The following CDH18 variants were observed in gnomAD, a reference collection of about 807,000 sequenced individuals.
The protein encoded by CDH18 is cadherin-18.
CDH18 carries 31 observed loss-of-function variants against 67.9 expected under a neutral mutation model. The observed-to-expected ratio is 0.46, with a 90% CI of 0.34 to 0.62. CDH18 has a LOEUF of 0.62. Ranked by LOEUF, CDH18 falls within the 20% of genes least tolerant of loss-of-function variation. CDH18 has a pLI of 0.01. For synonymous variants in CDH18, 362 were observed against 347.2 expected, an observed-to-expected ratio of 1.04 and a Z score of -0.48; for missense variants, 890 against 975.5, an observed-to-expected ratio of 0.91 and a Z score of 1.17.
chr5:19,494,473 C>T (rs928495220), intron 11 of CDH18, among the ~76,000 whole-genome samples: 5 of 152,276 alleles, frequency 3.3e-5, no homozygotes, highest in South Asian at 2.1e-4. Context: ...AGTCTAACTC[C>T]GAAACATTCT....
chr5:20,328,017 G>T (rs1738771450), intron 1 of CDH18, among the ~76,000 whole-genome samples: 1 of 152,124 alleles, frequency 6.6e-6, no homozygotes, highest in South Asian at 2.1e-4. Context: ...AAGTCCTGGG[G>T]AATAGAGACT....
At chr5:19,937,317 A>G (rs1204367477) in intron 2 of CDH18, among the ~76,000 whole-genome samples, 3 of 151,350 alleles carry the variant, frequency 2.0e-5, no homozygotes, top group African/African-American at 7.3e-5. Context: ...GCAATGTAAT[A>G]TGAACTGGCA....
chr5:20,154,468 A>G (rs1351705153), intron 2 of CDH18, among the ~76,000 whole-genome samples: 2 of 152,122 alleles, frequency 1.3e-5, no homozygotes, highest in Non-Finnish European at 2.9e-5. Context: ...TATCTCACTT[A>G]TTTTACATTT....
chr5:20,520,037 G>T (rs550675615), intron 1 of CDH18, among the ~76,000 whole-genome samples: 102 of 126,660 alleles, frequency 8.1e-4, no homozygotes, highest in Non-Finnish European at 1.3e-3. Context: ...CCTGAGCTAG[G>T]TGATCTGACC....
At chr5:20,332,616 A>G (rs1009349016) in intron 1 of CDH18, among the ~76,000 whole-genome samples, 1 of 152,238 alleles carries the variant, frequency 6.6e-6, no homozygotes. Context: ...GCTAATTGTT[A>G]CAAAGAAGAG....
At chr5:19,727,429 C>CA (rs1333511490) in intron 4 of CDH18, among the ~76,000 whole-genome samples, 1 of 152,050 alleles carries the variant, frequency 6.6e-6, no homozygotes, top group Non-Finnish European at 1.5e-5. Flanking sequence ...GGCTACAAGC[C>CA]AAAAACACCA....
intron 5 of CDH18, among the ~76,000 whole-genome samples, chr5:19,702,121 T>C (rs1016208067): frequency 1.3e-5 from 2 of 150,180 alleles, no homozygotes; most frequent in Non-Finnish European, 3.0e-5. Context: ...TACACTCTTC[T>C]GCAGTGTTCT....
chr5:20,443,542 A>G (rs549163298), intron 1 of CDH18, among the ~76,000 whole-genome samples: 18 of 152,018 alleles, frequency 1.2e-4, no homozygotes, highest in Non-Finnish European at 2.5e-4. Context: ...AGTGAACGCC[A>G]GATACCTATC....
chr5:20,414,496 C>T (rs1277205964), intron 1 of CDH18, among the ~76,000 whole-genome samples: 1 of 152,158 alleles, frequency 6.6e-6, no homozygotes, highest in Non-Finnish European at 1.5e-5. Flanking sequence ...GGTTGAAAAA[C>T]TTCCTATTAT....
intron 2 of CDH18, among the ~76,000 whole-genome samples, chr5:20,033,978 A>G (rs1008216909): frequency 5.3e-5 from 8 of 152,076 alleles, no homozygotes; most frequent in African/African-American, 1.9e-4. Flanking sequence ...GAGAAACCTC[A>G]TACAAGAATG....
chr5:20,365,364 C>T (rs1742424321), intron 1 of CDH18, among the ~76,000 whole-genome samples: 1 of 152,148 alleles, frequency 6.6e-6, no homozygotes, highest in Non-Finnish European at 1.5e-5. Flanking sequence ...AGGATTAGAG[C>T]TTCAACATAG....
intron 1 of CDH18, among the ~76,000 whole-genome samples, chr5:20,464,347 G>A (rs1292694756): frequency 6.6e-6 from 1 of 152,180 alleles, no homozygotes; most frequent in Admixed American, 6.5e-5. Flanking sequence ...TGAATTGATA[G>A]AATGTGTGTT....
chr5:20,083,186 A>C (rs1744637525), intron 2 of CDH18, among the ~76,000 whole-genome samples: 1 of 152,182 alleles, frequency 6.6e-6, no homozygotes, highest in Admixed American at 6.5e-5. Context: ...GATAGCTTCA[A>C]CTAGAAGTTG....
chr5:19,610,480 T>C (rs1022887560), intron 6 of CDH18, among the ~76,000 whole-genome samples: 18 of 152,026 alleles, frequency 1.2e-4, no homozygotes, highest in African/African-American at 4.1e-4. Flanking sequence ...TTAATAATTA[T>C]TTTAGGAAGA....
At chr5:19,759,155 G>A (rs1417553866) in intron 3 of CDH18, among the ~76,000 whole-genome samples, 1 of 152,192 alleles carries the variant, frequency 6.6e-6, no homozygotes, top group Non-Finnish European at 1.5e-5. Flanking sequence ...AACCACATCT[G>A]GTACAGCAGC....
In CDH18 at chr5:19,508,556, T is replaced by C. The variant is rs1394397624; in HGVS notation, c.1513-5447A>G. ...AATGATATTACAAATTTAGTCTACA[T>C]TACAAAAGCAAAGGGTGAAAAAAAA... On this transcript the variant is annotated intron_variant, in intron 10 of 12. Coordinates refer to ENST00000382275, the MANE Select transcript of CDH18 (RefSeq NM_004934.5). Among the ~76,000 whole-genome samples the C allele has an allele frequency of 2.0e-5, 3 of 147,672 alleles. No individual in the cohort carries two copies. In the East Asian group the frequency reaches 5.8e-4, roughly 28 times the overall value.
intron 2 of CDH18, among the ~76,000 whole-genome samples, chr5:20,019,374 A>C (rs1053957545): frequency 6.6e-6 from 1 of 152,182 alleles, no homozygotes; most frequent in Non-Finnish European, 1.5e-5. Flanking sequence ...ATAAAATAGC[A>C]TATTGATATG....
At position 19,612,447 on chromosome 5, in the gene CDH18, T is replaced by C. The variant is rs780626104; in HGVS notation, c.798A>G (p.Pro266=). ...ACAAATACGTACTTTGAGGAAAGCG[T>C]GGTGGGTTGTCATTGACATCGGTTA... is the stretch of plus-strand genomic sequence containing the variant. ...ITLTDVNDNP[P]RFPQKHYQLY... is the part of the protein sequence containing the mutation. The change falls in exon 6 of 13, where the codon CCA becomes CCG. Residue 266 remains proline (P), a synonymous_variant. Transcript: ENST00000382275. The C allele has an allele frequency of 2.1e-5, 34 of 1,614,012 alleles. No homozygotes were observed. The highest frequency in any genetic ancestry group is 2.9e-5 in the Non-Finnish European group (34 of 1,179,976).
chr5:20,138,707 A>T (rs1267093664), intron 2 of CDH18, among the ~76,000 whole-genome samples: 1 of 152,184 alleles, frequency 6.6e-6, no homozygotes, highest in Non-Finnish European at 1.5e-5. Flanking sequence ...GTGAACTCCC[A>T]TTCACAATTG....
Sources: gnomAD v4.1 joint callset for allele counts (sites outside exome capture counted in the v4.1 genomes callset) on GRCh38, gnomAD v4.1.1 for gene constraint, MANE v1.5 for transcripts, NCBI Gene and HGNC (gene_info 2026-07-23, HGNC 2026-07-21) for gene names.